The following MACROD2 variants were observed in gnomAD, a reference collection of about 807,000 sequenced individuals.
The protein encoded by MACROD2 is mono-ADP ribosylhydrolase 2, also known as ADP-ribose glycohydrolase MACROD2.
A neutral mutation model predicts 70.4 loss-of-function variants in MACROD2; 36 were observed. The observed-to-expected ratio is 0.51, with a 90% confidence interval of 0.39 to 0.68. The LOEUF is 0.68. Ranked by LOEUF, MACROD2 falls within the 30% of genes least tolerant of loss-of-function variation. The probability of loss-of-function intolerance (pLI) is 0.00; values close to 1 mark genes in which losing one functional copy is unlikely to be tolerated. For missense variants in MACROD2, 496 were observed against 538.4 expected (o/e 0.92, Z 0.78); for synonymous variants, 172 against 178.8 (o/e 0.96, Z 0.30).
intron 10 of MACROD2, among the ~76,000 whole-genome samples, chr20:15,908,600 C>T (rs1346005887): frequency 6.6e-6 from 1 of 152,228 alleles, no homozygotes; most frequent in Non-Finnish European, 1.5e-5. Flanking sequence ...GTCAGGCAGT[C>T]TCATTTCAAC....
chr20:15,643,576 T>C (rs1395843662), intron 8 of MACROD2, among the ~76,000 whole-genome samples: 1 of 152,240 alleles, frequency 6.6e-6, no homozygotes, highest in African/African-American at 2.4e-5. Flanking sequence ...CCTTATAGTC[T>C]TATTCACCTG....
At chr20:14,890,951 TTTCCTTCCTTCC>T (rs372577604) in intron 5 of MACROD2, among the ~76,000 whole-genome samples, 20 of 105,768 alleles carry the variant, frequency 1.9e-4, no homozygotes, top group Admixed American at 9.3e-4. Context: ...TCTTTCTCTT[TTTCCTTCCTTCC>T]TTCCTTCCTT....
intron 5 of MACROD2, among the ~76,000 whole-genome samples, chr20:14,762,326 G>A (rs551686228): frequency 6.6e-6 from 1 of 152,178 alleles, no homozygotes; most frequent in East Asian, 1.9e-4. Flanking sequence ...CTCAGGAGTG[G>A]GGTCATGGTG....
At chr20:14,101,946 A>G (rs566682483) in intron 3 of MACROD2, among the ~76,000 whole-genome samples, 2 of 130,304 alleles carry the variant, frequency 1.5e-5, no homozygotes, top group African/African-American at 5.8e-5. Flanking sequence ...ATACTTTTTC[A>G]TATTGCTCTT....
intron 5 of MACROD2, among the ~76,000 whole-genome samples, chr20:14,969,401 C>CACAT (rs5840640): frequency 4.6e-4 from 62 of 135,806 alleles, no homozygotes; most frequent in African/African-American, 1.6e-3. Context: ...CACACACACA[C>CACAT]ATATATAAGC....
chr20:16,025,540 G>A (rs1287770417), intron 15 of MACROD2, among the ~76,000 whole-genome samples: 1 of 152,214 alleles, frequency 6.6e-6, no homozygotes, highest in Admixed American at 6.5e-5. Flanking sequence ...TTCTGGAAGA[G>A]TGCTGAGCCA....
intron 8 of MACROD2, among the ~76,000 whole-genome samples, chr20:15,636,802 G>T (rs1384597956): frequency 6.6e-6 from 1 of 152,074 alleles, no homozygotes; most frequent in African/African-American, 2.4e-5. Context: ...AGAGAAGGGG[G>T]ATGTTTTGCC....
chr20:14,731,998 C>A (rs2071604353), intron 5 of MACROD2, among the ~76,000 whole-genome samples: 1 of 151,914 alleles, frequency 6.6e-6, no homozygotes, highest in African/African-American at 2.4e-5. Context: ...TTTTTAAATT[C>A]TCGCTTAATT....
intron 3 of MACROD2, among the ~76,000 whole-genome samples, chr20:14,164,807 C>T (rs1356496588): frequency 6.6e-6 from 1 of 152,182 alleles, no homozygotes. Context: ...ATCTGTACTA[C>T]AGCCCTGCTA....
intron 4 of MACROD2, among the ~76,000 whole-genome samples, chr20:14,609,471 G>A (rs1430021849): frequency 1.3e-5 from 2 of 152,054 alleles, no homozygotes; most frequent in Non-Finnish European, 2.9e-5. Flanking sequence ...GTACTTAAAG[G>A]TCACTTCTTT....
chr20:14,676,950 C>A (rs1385728303), intron 4 of MACROD2, among the ~76,000 whole-genome samples: 2 of 152,176 alleles, frequency 1.3e-5, no homozygotes, highest in Non-Finnish European at 2.9e-5. Flanking sequence ...CTGGATTTCA[C>A]TAAATGGTGC....
intron 8 of MACROD2, among the ~76,000 whole-genome samples, chr20:15,778,570 A>G (rs6043540): frequency 0.09 from 13,735 of 152,064 alleles, 1,311 homozygotes; most frequent in East Asian, 0.33. Context: ...TGATGAGAAT[A>G]TTTTAATCCC....
intron 6 of MACROD2, among the ~76,000 whole-genome samples, chr20:15,298,772 T>C (rs1029820290): frequency 1.3e-5 from 2 of 152,318 alleles, no homozygotes; most frequent in African/African-American, 2.4e-5. Flanking sequence ...TGAAAATGGC[T>C]ACCAGTTACC....
chr20:15,152,968 A>G (rs199642565), intron 5 of MACROD2, among the ~76,000 whole-genome samples: 5 of 152,058 alleles, frequency 3.3e-5, no homozygotes, highest in Non-Finnish European at 5.9e-5. Context: ...GGATAGTGAG[A>G]GAGGTTGGAG....
At chr20:14,718,126 C>G (rs2071417743) in intron 5 of MACROD2, among the ~76,000 whole-genome samples, 1 of 151,484 alleles carries the variant, frequency 6.6e-6, no homozygotes, top group Non-Finnish European at 1.5e-5. Flanking sequence ...AACCCCGTCT[C>G]TACAAAAAAT....
At position 14,435,852 on chromosome 20, in the gene MACROD2, G is replaced by T. The variant is rs117209860; in HGVS notation, c.272-57627G>T. ...CTCCCAAGTAGCTGGGTCTACTGGT[G>T]CCCGCCACCACACCTGGCTAATTTT... On this transcript the variant is annotated intron_variant, in intron 3 of 17. Coordinates refer to ENST00000684519, the MANE Select transcript of MACROD2 (RefSeq NM_001351661.2). Among the ~76,000 whole-genome samples the T allele has an allele frequency of 4.7e-4, 72 of 151,976 alleles. No individual in the cohort carries two copies. In the East Asian group the frequency reaches 0.013, roughly 28 times the overall value.
At chr20:14,532,389 T>C (rs1369706128) in intron 4 of MACROD2, among the ~76,000 whole-genome samples, 1 of 151,624 alleles carries the variant, frequency 6.6e-6, no homozygotes, top group Non-Finnish European at 1.5e-5. Context: ...GGCTAATTTT[T>C]TTTTTTTTTT....
chr20:14,498,248 T>A (rs1161436416), intron 4 of MACROD2, among the ~76,000 whole-genome samples: 1 of 151,700 alleles, frequency 6.6e-6, no homozygotes, highest in African/African-American at 2.4e-5. Flanking sequence ...ACACAATTCA[T>A]CCATGTAACC....
chr20:15,262,222 A>T (rs1372476365), intron 6 of MACROD2, among the ~76,000 whole-genome samples: 1 of 151,996 alleles, frequency 6.6e-6, no homozygotes, highest in Non-Finnish European at 1.5e-5. Context: ...AGCCTCTGGT[A>T]ACCATCATTC....
Sources: gnomAD v4.1 joint callset for allele counts (sites outside exome capture counted in the v4.1 genomes callset) on GRCh38, gnomAD v4.1.1 for gene constraint, MANE v1.5 for transcripts, NCBI Gene and HGNC (gene_info 2026-07-23, HGNC 2026-07-21) for gene names.